ST18: variants seen among roughly 807,000 people sequenced by gnomAD.
The protein encoded by ST18 is suppression of tumorigenicity 18 protein.
A neutral mutation model predicts 110.0 loss-of-function variants in ST18; 50 were observed. The observed-to-expected ratio is 0.45, with a 90% CI of 0.36 to 0.58. The LOEUF (loss-of-function observed/expected upper bound fraction) is 0.58, where lower values mean the gene tolerates loss of function less well. ST18 is among the 20% of genes least tolerant of loss of function. ST18 has a pLI of 0.00. For synonymous variants in ST18, 461 were observed against 452.4 expected, an observed-to-expected ratio of 1.02 and a Z score of -0.24; for missense variants, 1,306 against 1,280.1, an observed-to-expected ratio of 1.02 and a Z score of -0.31.
chr8:52,158,211 G>A (rs2060500580), intron 15 of ST18, among the ~76,000 whole-genome samples: 1 of 152,110 alleles, frequency 6.6e-6, no homozygotes, highest in Non-Finnish European at 1.5e-5. Flanking sequence ...TTGTCAATTG[G>A]GGAGGAAAGG....
intron 2 of ST18, among the ~76,000 whole-genome samples, chr8:52,318,470 C>T (rs1358423046): frequency 1.3e-5 from 2 of 152,174 alleles, no homozygotes; most frequent in Non-Finnish European, 2.9e-5. Flanking sequence ...TTGGTTCAAC[C>T]ATTGCGGAAG....
At chr8:52,395,571 A>G (rs115590498) in intron 2 of ST18, among the ~76,000 whole-genome samples, 1 of 152,214 alleles carries the variant, frequency 6.6e-6, no homozygotes, top group Non-Finnish European at 1.5e-5. Context: ...TTCCACGGTT[A>G]GAGAGAGGCC....
chr8:52,400,345 G>GT lies in ST18; in HGVS notation c.-465+8982dup, dbSNP rs1304009914. ...TAGGCAGCATAAAGTTGGATGTTGG[G>GT]TTTTTATTCATTTAGACACCCTCTG... On this transcript the variant is annotated intron_variant, in intron 2 of 25. Transcript: ENST00000689386. 2.0e-5 allele frequency among the ~76,000 whole-genome samples: 3 copies of GT among 152,114 alleles called. No homozygotes were observed. The East Asian group carries it at 5.8e-4, about 29-fold the overall frequency.
At chr8:52,259,921 T>C (rs1444654642) in intron 2 of ST18, among the ~76,000 whole-genome samples, 1 of 152,234 alleles carries the variant, frequency 6.6e-6, no homozygotes, top group Non-Finnish European at 1.5e-5. Context: ...TCTTTTATCC[T>C]TTGTCATTTT....
At chr8:52,207,826 G>A (rs947834914) in intron 8 of ST18, among the ~76,000 whole-genome samples, 1 of 152,184 alleles carries the variant, frequency 6.6e-6, no homozygotes, top group African/African-American at 2.4e-5. Context: ...TAGAGGAAGG[G>A]GGCTGGACTG....
chr8:52,133,541 A>G (rs931445230), intron 19 of ST18, among the ~76,000 whole-genome samples: 2 of 152,056 alleles, frequency 1.3e-5, no homozygotes, highest in Non-Finnish European at 2.9e-5. Flanking sequence ...AAATATTTTT[A>G]AGGATATATG....
rs375014256 is a variant in ST18 at position 52,295,054 on chromosome 8, C to T, written c.-464-64977G>A. On this transcript the variant is annotated intron_variant, in intron 2 of 25. Coordinates refer to ENST00000689386, the MANE Select transcript of ST18 (RefSeq NM_001352837.2). ...AGTCATTTTCAGACAAGATTTACCT[C>T]TAAGGAGCCTGCCAGGCAGCAATTC... is the stretch of plus-strand genomic sequence containing the variant. 2.6e-5 allele frequency among the ~76,000 whole-genome samples: 4 copies of T among 152,366 alleles called. No individual in the cohort carries two copies. In the East Asian group the frequency reaches 7.7e-4, roughly 29 times the overall value.
intron 5 of ST18, among the ~76,000 whole-genome samples, chr8:52,219,332 T>C (rs894775209): frequency 2.0e-5 from 3 of 152,028 alleles, no homozygotes; most frequent in African/African-American, 7.2e-5. Flanking sequence ...TTTGTTTTCA[T>C]GCATTTATTA....
chr8:52,306,439 T>G (rs2095814265), intron 2 of ST18, among the ~76,000 whole-genome samples: 1 of 152,110 alleles, frequency 6.6e-6, no homozygotes, highest in Non-Finnish European at 1.5e-5. Flanking sequence ...AGACGTGCGG[T>G]GAGTTTGTTG....
intron 8 of ST18, among the ~76,000 whole-genome samples, chr8:52,188,089 A>G (rs1479842815): frequency 6.6e-6 from 1 of 152,226 alleles, no homozygotes. Flanking sequence ...TTTTAAGGAT[A>G]TAGCATGGAA....
intron 8 of ST18, among the ~76,000 whole-genome samples, chr8:52,196,624 C>G (rs1469898434): frequency 1.3e-5 from 2 of 152,134 alleles, no homozygotes; most frequent in East Asian, 3.9e-4. Context: ...TTTATTGCAG[C>G]GTATTTTTAT....
intron 2 of ST18, among the ~76,000 whole-genome samples, chr8:52,373,593 C>T (rs1196835370): frequency 6.6e-6 from 1 of 152,068 alleles, no homozygotes; most frequent in East Asian, 1.9e-4. Flanking sequence ...GCTAGCACCT[C>T]CTCCAATACC....
At chr8:52,315,584 A>T (rs2139805460) in intron 2 of ST18, among the ~76,000 whole-genome samples, 1 of 152,264 alleles carries the variant, frequency 6.6e-6, no homozygotes, top group East Asian at 1.9e-4. Flanking sequence ...ATTTTCAGCC[A>T]TCGTCCACAA....
At chr8:52,152,089 T>C (rs1015707838) in intron 15 of ST18, among the ~76,000 whole-genome samples, 11 of 152,368 alleles carry the variant, frequency 7.2e-5, no homozygotes, top group South Asian at 2.1e-4. Context: ...AGAGGCGCTT[T>C]CCTGCATCCT....
intron 22 of ST18, among the ~76,000 whole-genome samples, chr8:52,130,119 A>AAAGAAAGAAAAGAAAGAAAGAAAGAAAG (rs67888949): frequency 9.5e-6 from 1 of 105,242 alleles, no homozygotes; most frequent in Admixed American, 1.1e-4. Flanking sequence ...AGAAAGAAAG[A>AAAGAAAGAAAAGAAAGAAAGAAAGAAAG]AAAGAAAGAA....
intron 9 of ST18, among the ~76,000 whole-genome samples, chr8:52,173,233 G>A (rs994157459): frequency 6.6e-6 from 1 of 152,182 alleles, no homozygotes; most frequent in Non-Finnish European, 1.5e-5. Flanking sequence ...CACAAACAGG[G>A]AAATTAGCAT....
intron 2 of ST18, among the ~76,000 whole-genome samples, chr8:52,346,222 A>T (rs1345337154): frequency 6.6e-6 from 1 of 151,214 alleles, no homozygotes; most frequent in Non-Finnish European, 1.5e-5. Flanking sequence ...AAACGAAAAT[A>T]AGAGGACTCT....
At chr8:52,141,753 C>T (rs2055171951) in intron 17 of ST18, among the ~76,000 whole-genome samples, 1 of 152,108 alleles carries the variant, frequency 6.6e-6, no homozygotes, top group Admixed American at 6.5e-5. Flanking sequence ...TGCCTAATTC[C>T]TAGAGAGCTT....
chr8:52,298,899 G>C (rs1301108308), intron 2 of ST18, among the ~76,000 whole-genome samples: 1 of 152,164 alleles, frequency 6.6e-6, no homozygotes, highest in Non-Finnish European at 1.5e-5. Flanking sequence ...AAATTCAGCT[G>C]TCAGTCTAAT....
Sources: gnomAD v4.1 joint callset for allele counts (sites outside exome capture counted in the v4.1 genomes callset) on GRCh38, gnomAD v4.1.1 for gene constraint, MANE v1.5 for transcripts, NCBI Gene and HGNC (gene_info 2026-07-23, HGNC 2026-07-21) for gene names.